FBLIM1: variants seen among roughly 807,000 people sequenced by gnomAD.
FBLIM1 encodes the protein filamin-binding LIM protein 1.
Under a neutral mutation model 37.4 loss-of-function variants are expected in FBLIM1, and 29 were observed. The observed-to-expected ratio is 0.77, with a 90% CI of 0.58 to 1.06. The LOEUF is 1.06. FBLIM1 is among the 50% of genes least tolerant of loss of function. The probability of loss-of-function intolerance (pLI) is 0.00; values close to 1 mark genes in which losing one functional copy is unlikely to be tolerated. For missense variants in FBLIM1, 449 were observed against 505.6 expected, an observed-to-expected ratio of 0.89 and a Z score of 1.07; for synonymous variants, 193 against 199.0, an observed-to-expected ratio of 0.97 and a Z score of 0.25.
At chr1:15,761,277 A>C (rs1253992000) in intron 1 of FBLIM1, among the ~76,000 whole-genome samples, 3 of 152,164 alleles carry the variant, frequency 2.0e-5, no homozygotes, top group Non-Finnish European at 4.4e-5. Flanking sequence ...CCACCCAAGG[A>C]AGGAAAAGCG....
chr1:15,776,143 CG>C (rs1246084656), intron 7 of FBLIM1, among the ~76,000 whole-genome samples: 3 of 152,048 alleles, frequency 2.0e-5, no homozygotes, highest in Non-Finnish European at 4.4e-5. Flanking sequence ...TGGGGCCGGG[CG>C]CGGTAGCTCA....
chr1:15,773,549 G>A (rs12045331), intron 6 of FBLIM1, among the ~76,000 whole-genome samples: 101,304 of 151,170 alleles, frequency 0.67, 34,230 homozygotes, highest in East Asian at 0.82. Flanking sequence ...ATGTGGTGGC[G>A]CATGCCTGTA....
At chr1:15,762,814 G>A (rs539121562) in intron 1 of FBLIM1, among the ~76,000 whole-genome samples, 3 of 152,330 alleles carry the variant, frequency 2.0e-5, no homozygotes, top group Admixed American at 2.0e-4. Flanking sequence ...CATCGCTTTC[G>A]TCCACCCTTG....
rs547797711 is a variant in FBLIM1 at position 15,768,559 on chromosome 1, G to C, written c.470G>C (p.Gly157Ala). 17 of 1,608,542 alleles carry C rather than the reference G, an allele frequency of 1.1e-5. No individual in the cohort carries two copies. The highest frequency in any genetic ancestry group is 1.3e-5 in the Non-Finnish European group (15 of 1,178,552). Residue 157 changes from glycine to alanine, a missense_variant, in exon 5 of 9, where the codon GGT (glycine) becomes GCT (alanine). By Grantham distance (60) the Gly-to-Ala change is moderately conservative. Coordinates refer to ENST00000375766, the MANE Select transcript of FBLIM1 (RefSeq NM_017556.4). The part of the protein sequence containing the change: ...APAEGPSVQP[G>A]PLRPMEEELP... ...GCGGAGGGACCTTCAGTCCAGCCCG[G>C]TCCCCTCAGGCCCATGGAGGAAGAG...
intron 8 of FBLIM1, among the ~76,000 whole-genome samples, chr1:15,779,994 C>T (rs1257912133): frequency 6.6e-6 from 1 of 152,076 alleles, no homozygotes; most frequent in Non-Finnish European, 1.5e-5. Context: ...GTTCTCTCAC[C>T]TTAGCATCCT....
rs781525554 is a variant in FBLIM1 at position 15,765,304 on chromosome 1, C to T, written c.250+71C>T. The T allele has an allele frequency of 6.9e-5, 104 of 1,507,686 alleles. No individual in the cohort carries two copies. The highest frequency in any genetic ancestry group is 8.7e-5 in the Non-Finnish European group (98 of 1,123,428). 93.4% of individuals were successfully genotyped at this position (1,507,686 alleles called of 1,614,324 possible). Reference sequence around the variant, plus strand: ...GTGGGGAGGAAAGGGCAGGCTCCAGCGTCATTCATTCATTCATTATTCATC... The same window carrying T: ...GTGGGGAGGAAAGGGCAGGCTCCAGTGTCATTCATTCATTCATTATTCATC... On this transcript the variant is annotated intron_variant, in intron 3 of 8. Transcript: ENST00000375766. This position sits in a 1 kb window ranked among gnomAD's most constrained non-coding sequence, Gnocchi z 5.9.
At chr1:15,781,023 C>T (rs571769433) in intron 8 of FBLIM1, among the ~76,000 whole-genome samples, 11 of 152,020 alleles carry the variant, frequency 7.2e-5, no homozygotes, top group East Asian at 5.8e-4. Context: ...ATGACTTGGC[C>T]GAGGTGGTGT....
intron 1 of FBLIM1, among the ~76,000 whole-genome samples, chr1:15,761,201 A>ATG (rs2068659656): frequency 2.0e-5 from 3 of 152,282 alleles, no homozygotes; most frequent in African/African-American, 7.2e-5. Flanking sequence ...GCCGACCACA[A>ATG]GATTTCTGGT....
At position 15,764,695 on chromosome 1, in the gene FBLIM1, GC is replaced by G. The variant is rs762000064; in HGVS notation, c.-21+13del. On this transcript the variant is annotated intron_variant, in intron 2 of 8. Coordinates refer to ENST00000375766, the MANE Select transcript of FBLIM1 (RefSeq NM_017556.4). ...GGAAGAGTGATCATTGGTGAGGGCT[GC>G]CCTTTGCTCCCCTAGGTGTGCAGGT... The G allele has an allele frequency of 4.3e-6, 2 of 468,048 alleles. No homozygotes were observed. The highest frequency in any genetic ancestry group is 3.7e-5 in the East Asian group (1 of 26,872). The allele number at this position is 468,048 out of a possible 1,614,324, so 29.0% of individuals were successfully genotyped here. A position where few individuals can be genotyped will look rare whatever the true frequency, so the allele number is the denominator to read the frequency against.
Position 15,765,067 on chromosome 1 carries a change from G to A in FBLIM1, c.84G>A (p.Glu28=). 1.9e-6 allele frequency: 3 copies of A among 1,614,112 alleles called. No homozygotes were observed. The highest frequency in any genetic ancestry group is 2.5e-6 in the Non-Finnish European group (3 of 1,180,000). The change falls in exon 3 of 9, where the codon GAG becomes GAA. Residue 28 remains glutamate, a synonymous_variant. Coordinates refer to ENST00000375766, the MANE Select transcript of FBLIM1 (RefSeq NM_017556.4). The surrounding 1 kb of genome is among the most constrained non-coding windows in gnomAD (Gnocchi z 5.9). ...CGCGCCGCGATGTGGCCGTGGCGGA[G>A]GAAGTGAGGCAGGCAGTTTGTGAGG... ...APPRRDVAVA[E]EVRQAVCEAR...
At chr1:15,777,929 T>C (rs543256530) in intron 8 of FBLIM1, among the ~76,000 whole-genome samples, 1 of 152,144 alleles carries the variant, frequency 6.6e-6, no homozygotes, top group Non-Finnish European at 1.5e-5. Context: ...TCTCTGCCTG[T>C]GGGCTGGCCT....
At chr1:15,772,782 C>T (rs1359101351) in intron 6 of FBLIM1, among the ~76,000 whole-genome samples, 1 of 152,028 alleles carries the variant, frequency 6.6e-6, no homozygotes, top group Non-Finnish European at 1.5e-5. Flanking sequence ...AGCAAGACTC[C>T]ATCTCTATTT....
chr1:15,765,117 C>A lies in FBLIM1; in HGVS notation c.134C>A (p.Ala45Asp). 6.2e-7 allele frequency: 1 copy of A among 1,613,854 alleles called. No individual in the cohort carries two copies. Residue 45 changes from alanine to aspartate, a missense_variant, in exon 3 of 9, where the codon GCT (alanine) becomes GAT (aspartate). Physicochemically the swap from Ala to Asp is moderately radical, Grantham distance 126. Transcript: ENST00000375766. This position sits in a 1 kb window ranked among gnomAD's most constrained non-coding sequence, Gnocchi z 5.9. ...CEARRGRPWE[A>D]PAPMKTPEAG... ...GCCCGGCGTGGCCGCCCCTGGGAGG[C>A]TCCTGCCCCCATGAAGACACCCGAG... is the stretch of plus-strand genomic sequence containing the variant.
At chr1:15,780,106 G>GC (rs2069598313) in intron 8 of FBLIM1, among the ~76,000 whole-genome samples, 1 of 151,886 alleles carries the variant, frequency 6.6e-6, no homozygotes, top group Non-Finnish European at 1.5e-5. Context: ...GCCCAGGCTG[G>GC]TCTTGAACTC....
At chr1:15,762,552 C>G (rs1040938759) in intron 1 of FBLIM1, among the ~76,000 whole-genome samples, 2 of 152,112 alleles carry the variant, frequency 1.3e-5, no homozygotes, top group Admixed American at 6.6e-5. Context: ...TAAGCCTCCA[C>G]GCCAGGCCAA....
At chr1:15,767,308 A>G in intron 3 of FBLIM1, 68 bp from the exon 4 acceptor site, 11 of 1,425,044 alleles carry the variant, frequency 7.7e-6, no homozygotes, top group Non-Finnish European at 8.4e-6. Context: ...ATGGCCATGT[A>G]GGTAAGTAAA....
intron 2 of FBLIM1, 73 bp from the exon 3 acceptor site, chr1:15,764,891 G>T: frequency 6.7e-7 from 1 of 1,490,366 alleles, no homozygotes. Flanking sequence ...GAGGAGGGAG[G>T]CTCTCTCCTC....
At chr1:15,762,808 G>A (rs910062305) in intron 1 of FBLIM1, among the ~76,000 whole-genome samples, 5 of 152,210 alleles carry the variant, frequency 3.3e-5, no homozygotes, top group Non-Finnish European at 4.4e-5. Flanking sequence ...GGCTATCATC[G>A]CTTTCGTCCA....
chr1:15,760,558 GAGCTTAGAGGTGGCCC>G (rs1056606277), intron 1 of FBLIM1, among the ~76,000 whole-genome samples: 5 of 142,552 alleles, frequency 3.5e-5, no homozygotes, highest in African/African-American at 1.3e-4. Context: ...AAAAAGAACA[GAGCTTAGAGGTGGCCC>G]CAGAGGTTTT....
Sources: gnomAD v4.1 joint callset for allele counts (sites outside exome capture counted in the v4.1 genomes callset) on GRCh38, gnomAD v4.1.1 for gene constraint, Gnocchi (gnomAD v3.1) non-coding constraint, MANE v1.5 for transcripts, NCBI Gene and HGNC (gene_info 2026-07-23, HGNC 2026-07-21) for gene names.